Variants in MPP7 observed in about 807,000 individuals in gnomAD.
MPP7 encodes MAGUK p55 subfamily member 7.
Under a neutral mutation model 76.5 loss-of-function variants are expected in MPP7, and 60 were observed. That is an observed-to-expected ratio of 0.78 (90% CI 0.64 to 0.97). The LOEUF is 0.97. MPP7 is among the 50% of genes least tolerant of loss of function. The pLI, the probability that MPP7 is intolerant of heterozygous loss-of-function variation, is 0.00. For synonymous variants in MPP7, 237 were observed against 244.5 expected (o/e 0.97, Z 0.29); for missense variants, 641 against 694.0 (o/e 0.92, Z 0.86).
intron 11 of MPP7, among the ~76,000 whole-genome samples, chr10:28,095,204 T>TAC (rs1402275833): frequency 8.4e-6 from 1 of 119,718 alleles, no homozygotes; most frequent in African/African-American, 4.0e-5. Flanking sequence ...CATATATATA[T>TAC]ATATATATAT....
At chr10:28,058,640 T>A (rs781023848) in intron 14 of MPP7, 37 bp from the exon 15 acceptor site, 5 of 1,133,816 alleles carry the variant, frequency 4.4e-6, no homozygotes, top group Non-Finnish European at 6.3e-6. Context: ...CATTTGTGAA[T>A]TTAAAACAAT....
Position 28,089,784 on chromosome 10 carries a change from A to G in MPP7, c.1010T>C (p.Met337Thr), listed in dbSNP as rs767753869. ...CTGATCACTCTTCTTGCATTCATAC[A>G]TGGATTTATTTGTTTTCTTATCTTT... ...SRKDKKTNKS[M>T]YECKKSDQYD... The change falls in exon 12 of 17, where the codon ATG (methionine) becomes ACG (threonine). Residue 337 changes from methionine (M) to threonine (T), a missense_variant. By Grantham distance (81) the Met-to-Thr change is moderately conservative. Coordinates refer to ENST00000683449, the MANE Select transcript of MPP7 (RefSeq NM_001318170.2). 4.4e-6 allele frequency: 7 copies of G among 1,602,746 alleles called. No homozygotes were observed. In the African/African-American group the frequency reaches 6.7e-5, roughly 15 times the overall value.
chr10:28,237,266 A>G (rs1372817888), intron 2 of MPP7, among the ~76,000 whole-genome samples: 2 of 152,202 alleles, frequency 1.3e-5, no homozygotes, highest in Non-Finnish European at 2.9e-5. Context: ...ATAATTTCCC[A>G]AAGCACTATG....
rs150450894 is a variant in MPP7, at chr10:28,192,420, T to G, written c.156+9733A>C. On this transcript the variant is annotated intron_variant, in intron 3 of 16. Coordinates refer to ENST00000683449, the MANE Select transcript of MPP7 (RefSeq NM_001318170.2). Reference sequence around the variant, plus strand: ...CACAAGCAAACGATTATAGCAAGGATGCAAGACAGAAGCTTAACATCCAAA... The same window carrying G: ...CACAAGCAAACGATTATAGCAAGGAGGCAAGACAGAAGCTTAACATCCAAA... Among the ~76,000 whole-genome samples, 88 of 152,288 alleles carry G rather than the reference T, an allele frequency of 5.8e-4. 2 individuals are homozygous for G. In the East Asian group the frequency reaches 0.017, roughly 29 times the overall value.
intron 5 of MPP7, among the ~76,000 whole-genome samples, chr10:28,135,213 G>C (rs1220396196): frequency 1.3e-5 from 2 of 152,078 alleles, no homozygotes; most frequent in Non-Finnish European, 2.9e-5. Context: ...AAACAGAGCT[G>C]GGAATCCAGA....
rs1205721083 is a variant in MPP7, at chr10:28,262,273, ATATAT to A, written c.-131-23543_-131-23539del. Reference sequence around the variant, plus strand: ...TATATATATATGTATATATATATATATATATTTTTTTTTTTTTCTTCACCATGTTG... The same window carrying A: ...TATATATATATGTATATATATATATATTTTTTTTTTTTCTTCACCATGTTG... On this transcript the variant is annotated intron_variant, in intron 1 of 16. Transcript: ENST00000683449. Among the ~76,000 whole-genome samples the A allele has an allele frequency of 1.5e-4, 8 of 54,828 alleles. 2 individuals carry two copies. Among genetic ancestry groups the A allele is most frequent in the African/African-American group, 4.0e-4 (5 of 12,630 alleles). 36.0% of individuals were successfully genotyped at this position (54,828 alleles called of 152,430 possible).
chr10:28,330,589 GA>G (rs1412222296), intron 1 of MPP7, among the ~76,000 whole-genome samples: 1 of 152,156 alleles, frequency 6.6e-6, no homozygotes, highest in Non-Finnish European at 1.5e-5. Flanking sequence ...AACTCAGGAA[GA>G]AAGCCACAGT....
rs766885566 is a variant in MPP7 at position 28,157,638 on chromosome 10, G to C, written c.157-7579C>G. On this transcript the variant is annotated intron_variant, in intron 3 of 16. Transcript: ENST00000683449. ...GGCTCTGCATGCCCTGGACCCTGCAGACTTCCATCTCAAGCCATTCTCCAT... is the reference window on the plus strand; with the variant it reads ...GGCTCTGCATGCCCTGGACCCTGCACACTTCCATCTCAAGCCATTCTCCAT... Among the ~76,000 whole-genome samples, 47 of 152,294 alleles carry C rather than the reference G, an allele frequency of 3.1e-4. 1 individual carries two copies. The highest frequency in any genetic ancestry group is 1.1e-3 in the Admixed American group (17 of 15,298).
rs185744771 is a variant in MPP7, at chr10:28,139,576, G to A, written c.316-7885C>T. Among the ~76,000 whole-genome samples the A allele has an allele frequency of 4.9e-3, 747 of 152,130 alleles. 7 individuals are homozygous for A. The highest frequency in any genetic ancestry group is 0.017 in the African/African-American group (722 of 41,498). On this transcript the variant is annotated intron_variant, in intron 5 of 16. Coordinates refer to ENST00000683449, the MANE Select transcript of MPP7 (RefSeq NM_001318170.2). The stretch of plus-strand genomic sequence containing the variant: ...CTGTTAAAGGTCCAGTTTCGTTTCT[G>A]GATACAAGTTTTTGAGCTTTAATTT...
chr10:28,079,251 C>G (rs1251449177), intron 12 of MPP7, among the ~76,000 whole-genome samples: 1 of 151,934 alleles, frequency 6.6e-6, no homozygotes, highest in African/African-American at 2.4e-5. Flanking sequence ...AGTATACTTT[C>G]AAAATTAATT....
At chr10:28,152,968 T>G (rs1835930637) in intron 3 of MPP7, among the ~76,000 whole-genome samples, 1 of 152,076 alleles carries the variant, frequency 6.6e-6, no homozygotes, top group South Asian at 2.1e-4. Context: ...AAAAGTACAC[T>G]TCAGACCGAG....
chr10:28,178,892 C>G (rs73608056), intron 3 of MPP7, among the ~76,000 whole-genome samples: 2 of 151,918 alleles, frequency 1.3e-5, no homozygotes, highest in Admixed American at 1.3e-4. Flanking sequence ...ATAGCAGCAG[C>G]GAATTTTTAA....
chr10:28,291,986 G>C (rs912860021), intron 1 of MPP7, among the ~76,000 whole-genome samples: 1 of 152,194 alleles, frequency 6.6e-6, no homozygotes, highest in African/African-American at 2.4e-5. Context: ...CTCACCCAGA[G>C]CAACTTCCAG....
At chr10:28,058,459 G>T in intron 15 of MPP7, 36 bp downstream of exon 15, 1 of 1,186,452 alleles carries the variant, frequency 8.4e-7, no homozygotes, top group Non-Finnish European at 1.2e-6. Context: ...GATGACATGG[G>T]TCAGAAGGGT....
At chr10:28,317,643 T>C (rs188268956) in intron 2 of MPP7, among the ~76,000 whole-genome samples, 16 of 152,342 alleles carry the variant, frequency 1.1e-4, no homozygotes, top group Non-Finnish European at 1.9e-4. Context: ...AATAAAACCA[T>C]ATTAAAGGAA....
intron 3 of MPP7, among the ~76,000 whole-genome samples, chr10:28,177,123 T>C (rs1836893476): frequency 6.6e-6 from 1 of 150,782 alleles, no homozygotes; most frequent in Admixed American, 6.6e-5. Context: ...ATACCGATAG[T>C]AAAAAGAGTT....
chr10:28,261,178 A>C (rs1839938488), intron 1 of MPP7, among the ~76,000 whole-genome samples: 1 of 152,218 alleles, frequency 6.6e-6, no homozygotes, highest in Non-Finnish European at 1.5e-5. Context: ...CTTGTTAGCA[A>C]AAGTAGATCC....
chr10:28,261,881 G>A (rs1245399821), intron 1 of MPP7, among the ~76,000 whole-genome samples: 1 of 151,784 alleles, frequency 6.6e-6, no homozygotes, highest in African/African-American at 2.4e-5. Flanking sequence ...ACCCCATTAT[G>A]GCTCACACCT....
intron 2 of MPP7, among the ~76,000 whole-genome samples, chr10:28,229,888 C>CAAAAAA (rs765093878): frequency 2.0e-5 from 2 of 101,390 alleles, no homozygotes; most frequent in South Asian, 3.1e-4. Flanking sequence ...GACTCCGTCT[C>CAAAAAA]AAAAAAAAAA....
Sources: gnomAD v4.1 joint callset for allele counts (sites outside exome capture counted in the v4.1 genomes callset) on GRCh38, gnomAD v4.1.1 for gene constraint, MANE v1.5 for transcripts, NCBI Gene and HGNC (gene_info 2026-07-23, HGNC 2026-07-21) for gene names.